The following NT5C2 variants were observed in gnomAD, a reference collection of about 807,000 sequenced individuals.
NT5C2 encodes cytosolic purine 5'-nucleotidase.
In NT5C2, 58 loss-of-function variants were observed where a neutral mutation model predicts 76.1. The observed-to-expected ratio is 0.76, with a 90% CI of 0.62 to 0.95. The LOEUF (loss-of-function observed/expected upper bound fraction) is 0.95, where lower values mean the gene tolerates loss of function less well. Ranked by LOEUF, NT5C2 falls within the 40% of genes least tolerant of loss-of-function variation. NT5C2 has a pLI of 0.00. For missense variants in NT5C2, 478 were observed against 690.3 expected (o/e 0.69, Z 3.45); for synonymous variants, 229 against 237.4 (o/e 0.96, Z 0.32).
At chr10:103,189,997 CTTTT>C (rs1239145078) in intron 1 of NT5C2, among the ~76,000 whole-genome samples, 12 of 108,046 alleles carry the variant, frequency 1.1e-4, no homozygotes, top group East Asian at 2.8e-4. Context: ...TTGTGGCTTT[CTTTT>C]TTTTTTTTTT....
At chr10:103,146,113 G>A (rs923285313) in intron 3 of NT5C2, 3 of 985,282 alleles carry the variant, frequency 3.0e-6, no homozygotes, top group Non-Finnish European at 3.6e-6. Context: ...AAAATTCTTC[G>A]TAAGGTCCCT....
intron 1 of NT5C2, among the ~76,000 whole-genome samples, chr10:103,188,393 GA>G (rs200739932): frequency 6.6e-6 from 1 of 151,868 alleles, no homozygotes; most frequent in Non-Finnish European, 1.5e-5. Context: ...AAACTAAGCA[GA>G]AAAAAATACG....
rs1452264387 is a variant in NT5C2 at position 103,090,673 on chromosome 10, C to A, written c.1387G>T (p.Ala463Ser). ...TAATACAGCAGGTTGATGAAAGATG[C>A]TGCATAGAGGTCAGCATAACGCATC... ...QVMRYADLYA[A>S]SFINLLYYPF... Residue 463 changes from alanine (A) to serine (S), a missense_variant, in exon 18 of 19, where the codon GCA (alanine) becomes TCA (serine). Transcript: ENST00000404739. The A allele has an allele frequency of 4.3e-6, 7 of 1,614,050 alleles. No homozygotes were observed. The Admixed American group carries it at 6.7e-5, about 15-fold the overall frequency.
At chr10:103,142,548 G>A (rs1372729666) in intron 3 of NT5C2, among the ~76,000 whole-genome samples, 1 of 152,156 alleles carries the variant, frequency 6.6e-6, no homozygotes, top group Non-Finnish European at 1.5e-5. Flanking sequence ...GCACATGCCT[G>A]TAGTCCCAGT....
chr10:103,146,853 C>A (rs1327504169), intron 3 of NT5C2, among the ~76,000 whole-genome samples: 1 of 152,206 alleles, frequency 6.6e-6, no homozygotes, highest in Non-Finnish European at 1.5e-5. Flanking sequence ...CGCACTAATG[C>A]CAAATTAATT....
Position 103,090,527 on chromosome 10 carries a change from C to G in NT5C2, c.1449+84G>C, listed in dbSNP as rs540604664. The G allele has an allele frequency of 1.8e-5, 23 of 1,243,478 alleles. No homozygotes were observed. In the Admixed American group the frequency reaches 4.9e-4, roughly 26 times the overall value. 77.0% of individuals were successfully genotyped at this position (1,243,478 alleles called of 1,614,324 possible). ...TGTACATCAGAAAGAAATGTTCAAA[C>G]TATCTCCTGTGCCATCTCACAAAGG... On this transcript the variant is annotated intron_variant, in intron 18 of 18. Coordinates refer to ENST00000404739, the MANE Select transcript of NT5C2 (RefSeq NM_001351169.2).
chr10:103,091,694 G>T, intron 15 of NT5C2, 79 bp from the exon 16 acceptor site: 1 of 1,194,056 alleles, frequency 8.4e-7, no homozygotes, highest in South Asian at 1.2e-5. Flanking sequence ...AAACTAAAAG[G>T]TTGCAGATGT....
At chr10:103,104,857 C>G (rs11191557) in intron 6 of NT5C2, among the ~76,000 whole-genome samples, 13,491 of 152,176 alleles carry the variant, frequency 0.089, 839 homozygotes, top group East Asian at 0.28. Context: ...ATTCTGCCAT[C>G]AAGAATGAAT....
chr10:103,106,557 A>G lies in NT5C2; in HGVS notation c.293+32T>C, dbSNP rs374620694. 4.5e-6 allele frequency: 6 copies of G among 1,340,162 alleles called. No individual in the cohort carries two copies. The African/African-American group carries it at 7.2e-5, about 16-fold the overall frequency. The allele number at this position is 1,340,162 out of a possible 1,614,324, so 83.0% of individuals were successfully genotyped here. ...GGGGTAAGGAAAGTAGTCTTAATCT[A>G]GTCTTAATCCAAAAATATCTTTAAA... is the stretch of plus-strand genomic sequence containing the variant. On this transcript the variant is annotated intron_variant, in intron 5 of 18. Coordinates refer to ENST00000404739, the MANE Select transcript of NT5C2 (RefSeq NM_001351169.2).
rs1055812 is a variant in NT5C2 at position 103,089,869 on chromosome 10, T to C, written c.1489A>G (p.Ile497Val). Residue 497 changes from isoleucine (I) to valine (V), a missense_variant, in exon 19 of 19, where the codon ATC becomes GTC. By Grantham distance (29) the Ile-to-Val change is conservative. Coordinates refer to ENST00000404739, the MANE Select transcript of NT5C2 (RefSeq NM_001351169.2). ...ESTVEHTHVD[I>V]NEMESPLATR... is the part of the protein sequence containing the mutation. ...GCAAGAGGAGACTCCATCTCATTGA[T>C]ATCTACGTGTGTGTGCTCCACCGTT... 4 of 1,613,602 alleles carry C rather than the reference T, an allele frequency of 2.5e-6. No homozygotes were observed. Among genetic ancestry groups the C allele is most frequent in the Non-Finnish European group, 2.5e-6 (3 of 1,179,712 alleles).
chr10:103,153,943 C>T (rs1200503158), intron 3 of NT5C2: 2 of 233,752 alleles, frequency 8.6e-6, no homozygotes, highest in Admixed American at 6.5e-5. Context: ...AACAAAACAT[C>T]TGCGTTCACA....
intron 4 of NT5C2, among the ~76,000 whole-genome samples, chr10:103,117,287 T>C (rs2074568783): frequency 6.6e-6 from 1 of 152,216 alleles, no homozygotes; most frequent in Non-Finnish European, 1.5e-5. Context: ...ATATGAGTAA[T>C]AATATCTGTT....
chr10:103,181,912 C>T (rs2091147803), intron 1 of NT5C2, among the ~76,000 whole-genome samples: 1 of 151,730 alleles, frequency 6.6e-6, no homozygotes, highest in African/African-American at 2.4e-5. Context: ...GAAGCTGAGG[C>T]AGGAGAATTG....
chr10:103,184,464 G>A (rs2091748283), intron 1 of NT5C2, among the ~76,000 whole-genome samples: 1 of 151,998 alleles, frequency 6.6e-6, no homozygotes, highest in Admixed American at 6.6e-5. Context: ...CTTGTTTTTT[G>A]CACATAACCC....
At chr10:103,165,264 C>A (rs1216455604) in intron 3 of NT5C2, among the ~76,000 whole-genome samples, 1 of 152,046 alleles carries the variant, frequency 6.6e-6, no homozygotes, top group East Asian at 1.9e-4. Flanking sequence ...GAGGCCAAGG[C>A]GGGTGGATCA....
At chr10:103,191,461 A>G (rs1440892234) in intron 1 of NT5C2, among the ~76,000 whole-genome samples, 2 of 152,110 alleles carry the variant, frequency 1.3e-5, no homozygotes, top group Non-Finnish European at 2.9e-5. Context: ...TTTCCCCATA[A>G]AACAGGAGAA....
intron 4 of NT5C2, among the ~76,000 whole-genome samples, chr10:103,118,820 G>C (rs2075014075): frequency 6.6e-6 from 1 of 151,166 alleles, no homozygotes; most frequent in African/African-American, 2.4e-5. Flanking sequence ...GTTTTTTAAG[G>C]GATCATCTCT....
At chr10:103,184,940 C>G (rs2091822308) in intron 1 of NT5C2, among the ~76,000 whole-genome samples, 1 of 152,160 alleles carries the variant, frequency 6.6e-6, no homozygotes, top group Non-Finnish European at 1.5e-5. Flanking sequence ...TATCTGTAGT[C>G]TGAAATTGTA....
intron 4 of NT5C2, among the ~76,000 whole-genome samples, chr10:103,130,029 C>G (rs1448303523): frequency 1.3e-5 from 2 of 151,516 alleles, no homozygotes; most frequent in Non-Finnish European, 3.0e-5. Flanking sequence ...CCCCTCTGCC[C>G]GGCCACCACC....
Sources: allele counts gnomAD v4.1 joint callset (sites outside exome capture counted in the v4.1 genomes callset), GRCh38; gene constraint gnomAD v4.1.1; transcripts MANE v1.5; gene names NCBI Gene and HGNC (gene_info 2026-07-23, HGNC 2026-07-21).